The following REPS2 variants were observed in gnomAD, a reference collection of about 807,000 sequenced individuals.
The protein encoded by REPS2 is RALBP1 associated Eps domain containing 2, also known as ralBP1-associated Eps domain-containing protein 2.
Under a neutral mutation model 53.6 loss-of-function variants are expected in REPS2, and 23 were observed. The ratio of observed to expected loss-of-function variants is 0.43; its 90% confidence interval spans 0.31 to 0.61. The LOEUF (loss-of-function observed/expected upper bound fraction) is 0.61, where lower values mean the gene tolerates loss of function less well. Ranked by LOEUF, REPS2 falls within the 20% of genes least tolerant of loss-of-function variation. The pLI, the probability that REPS2 is intolerant of heterozygous loss-of-function variation, is 0.11. For missense variants in REPS2, 446 were observed against 534.9 expected (o/e 0.83, Z 1.64); for synonymous variants, 238 against 218.6 (o/e 1.09, Z -0.78).
chrX:17,154,476 A>T (rs1443036314), downstream of REPS2, among the ~76,000 whole-genome samples: 1 of 112,073 alleles, frequency 8.9e-6, no homozygotes, highest in Non-Finnish European at 1.9e-5. Flanking sequence ...GCTATGTTGT[A>T]TAAGGGTAGG....
rs1021636792 is a variant in REPS2, at chrX:17,149,663, T to C, written c.*2182T>C. 8.9e-6 allele frequency: 1 copy of C among 112,597 alleles called. No individual in the cohort carries two copies. The highest frequency in any genetic ancestry group is 1.9e-5 in the Non-Finnish European group (1 of 53,409). 9.3% of individuals were successfully genotyped at this position (112,597 alleles called of 1,213,427 possible). A position where few individuals can be genotyped will look rare whatever the true frequency, so the allele number is the denominator to read the frequency against. On this transcript the variant is annotated 3_prime_UTR_variant, in exon 18 of 18. Coordinates refer to ENST00000357277, the MANE Select transcript of REPS2 (RefSeq NM_004726.3). ...CATGTTTGGCTTTTGGTAAATTCAA[T>C]CCAGGAAAGACTAGCATGTGCACTT...
At chrX:17,047,805 A>C (rs2061928646) in intron 6 of REPS2, among the ~76,000 whole-genome samples, 1 of 112,634 alleles carries the variant, frequency 8.9e-6, no homozygotes, top group African/African-American at 3.2e-5. Flanking sequence ...GTTATATTAG[A>C]GCTCGGGCAA....
At chrX:17,193,805 G>C in the REPS2 span, among the ~76,000 whole-genome samples, 18 of 111,315 alleles carry the variant, frequency 1.6e-4, no homozygotes, top group Admixed American at 1.5e-3. Flanking sequence ...CAAGATGGGG[G>C]AAACCAAAAC....
At chrX:16,949,172 G>A (rs1179406629) in intron 1 of REPS2, among the ~76,000 whole-genome samples, 2 of 110,974 alleles carry the variant, frequency 1.8e-5, no homozygotes, top group African/African-American at 6.6e-5. Context: ...TAAAACAAAC[G>A]TAGATGTTTT....
intron 13 of REPS2, among the ~76,000 whole-genome samples, chrX:17,097,361 C>T (rs997854658): frequency 5.4e-5 from 6 of 112,082 alleles, no homozygotes; most frequent in African/African-American, 9.7e-5. Flanking sequence ...ATACTTTAGA[C>T]ATCATAAAAT....
the REPS2 span, among the ~76,000 whole-genome samples, chrX:17,196,281 C>T: frequency 9.0e-6 from 1 of 111,588 alleles, no homozygotes; most frequent in African/African-American, 3.3e-5. Context: ...AAGGAGTTTT[C>T]CTAGGACTCC....
intron 13 of REPS2, among the ~76,000 whole-genome samples, chrX:17,083,906 G>A (rs140572993): frequency 0.013 from 1,415 of 110,773 alleles, 8 homozygotes; most frequent in Middle Eastern, 0.056. Flanking sequence ...AAATGAAAGC[G>A]TTATTGAGAT....
rs529461068 is a variant in REPS2, at chrX:16,966,883, C to T, written c.273+19749C>T. On this transcript the variant is annotated intron_variant, in intron 1 of 17. Transcript: ENST00000357277. ...GTATTAACTAATTTATTCCTGTAAA[C>T]ATTCTTGACAGTTTTTGTGACTATT... Among the ~76,000 whole-genome samples, 10 of 112,410 alleles carry T rather than the reference C, an allele frequency of 8.9e-5. No individual in the cohort carries two copies. In the East Asian group the frequency reaches 2.5e-3, roughly 28 times the overall value.
intron 14 of REPS2, among the ~76,000 whole-genome samples, chrX:17,107,088 G>A (rs1227071580): frequency 8.9e-6 from 1 of 112,176 alleles, no homozygotes; most frequent in Non-Finnish European, 1.9e-5. Context: ...AGTGAAATCA[G>A]GTTCTGATAA....
rs1470286562 is a variant in REPS2, at chrX:17,050,201, T to C, written c.908-2181T>C. 1.9e-3 allele frequency among the ~76,000 whole-genome samples: 140 copies of C among 74,899 alleles called. 1 individual carries two copies. The highest frequency in any genetic ancestry group is 5.6e-3 in the Middle Eastern group (1 of 179). 65.0% of individuals were successfully genotyped at this position (74,899 alleles called of 115,157 possible). ...TTCTTTCTTTCTTTCTTTCTTTTTT[T>C]TTTTTTTTTGACAGGGTCTTACTCT... On this transcript the variant is annotated intron_variant, in intron 6 of 17. Coordinates refer to ENST00000357277, the MANE Select transcript of REPS2 (RefSeq NM_004726.3).
chrX:17,082,471 T>C (rs964261444), intron 13 of REPS2, among the ~76,000 whole-genome samples: 1 of 112,146 alleles, frequency 8.9e-6, no homozygotes, highest in South Asian at 3.7e-4. Flanking sequence ...GCCAAATACA[T>C]TGAGATTCAC....
At chrX:17,007,587 C>T (rs1396399290) in intron 2 of REPS2, among the ~76,000 whole-genome samples, 1 of 111,944 alleles carries the variant, frequency 8.9e-6, no homozygotes, top group Non-Finnish European at 1.9e-5. Context: ...ATAATCGCCA[C>T]ACCAGGGAAA....
At chrX:17,022,822 T>C (rs2061592790) in intron 3 of REPS2, among the ~76,000 whole-genome samples, 1 of 112,284 alleles carries the variant, frequency 8.9e-6, no homozygotes, top group African/African-American at 3.2e-5. Context: ...AAATTCTTTC[T>C]TGGGGAACAT....
intron 14 of REPS2, among the ~76,000 whole-genome samples, chrX:17,105,508 G>A (rs907120659): frequency 8.9e-6 from 1 of 112,254 alleles, no homozygotes; most frequent in Non-Finnish European, 1.9e-5. Flanking sequence ...AGCTGCTTGA[G>A]GTGGGCTTCT....
intron 1 of REPS2, among the ~76,000 whole-genome samples, chrX:16,997,312 C>T (rs988106536): frequency 1.8e-5 from 2 of 112,825 alleles, no homozygotes; most frequent in Non-Finnish European, 3.7e-5. Context: ...TAGTGCCTGG[C>T]ACATAGTCTA....
At chrX:17,093,998 ATC>A (rs770765130) in intron 13 of REPS2, among the ~76,000 whole-genome samples, 2 of 111,519 alleles carry the variant, frequency 1.8e-5, no homozygotes, top group East Asian at 2.8e-4. Context: ...TCATCATGGG[ATC>A]TCTCTACACT....
At chrX:16,964,314 C>G (rs1476241065) in intron 1 of REPS2, among the ~76,000 whole-genome samples, 1 of 109,666 alleles carries the variant, frequency 9.1e-6, no homozygotes, top group African/African-American at 3.4e-5. Flanking sequence ...TGAGTGGATA[C>G]AGCACATGTT....
At chrX:17,046,456 G>A (rs764228028) in intron 5 of REPS2, among the ~76,000 whole-genome samples, 36 of 111,720 alleles carry the variant, frequency 3.2e-4, no homozygotes, top group Admixed American at 5.7e-4. Context: ...GATTACTTGC[G>A]TGAGCCACTG....
the REPS2 span, among the ~76,000 whole-genome samples, chrX:17,194,201 C>T: frequency 9.0e-6 from 1 of 111,589 alleles, no homozygotes; most frequent in East Asian, 2.8e-4. Context: ...AGTACAGACC[C>T]TAAAGTTCAT....
Sources: gnomAD v4.1 joint callset for allele counts (sites outside exome capture counted in the v4.1 genomes callset) on GRCh38, gnomAD v4.1.1 for gene constraint, MANE v1.5 for transcripts, NCBI Gene and HGNC (gene_info 2026-07-23, HGNC 2026-07-21) for gene names.